The following HAVCR1 variants were observed in gnomAD, a reference collection of about 807,000 sequenced individuals.
HAVCR1 encodes the protein hepatitis A virus cellular receptor 1.
Under a neutral mutation model 32.0 loss-of-function variants are expected in HAVCR1, and 34 were observed. The ratio of observed to expected loss-of-function variants is 1.06; its 90% CI spans 0.81 to 1.42. HAVCR1 has a LOEUF of 1.42. HAVCR1 is among the 40% of genes most tolerant of loss of function. The pLI is 0.00. For missense variants in HAVCR1, 420 were observed against 442.3 expected, an observed-to-expected ratio of 0.95 and a Z score of 0.45; for synonymous variants, 178 against 170.3, an observed-to-expected ratio of 1.05 and a Z score of -0.35.
rs749064806 is a variant in HAVCR1, at chr5:157,037,375, A to C, written c.838-14T>G. On this transcript the variant is annotated splice_polypyrimidine_tract_variant and intron_variant, in intron 6 of 8. Transcript: ENST00000523175. ...TAGGAACAGTTGCTGAGGAAACAAC[A>C]ACAGATCAAAAAAGCATCTTGTTAG... 9.0e-7 allele frequency: 1 copy of C among 1,107,220 alleles called. No homozygotes were observed. The highest frequency in any genetic ancestry group is 1.4e-6 in the Non-Finnish European group (1 of 728,822). 68.6% of individuals were successfully genotyped at this position (1,107,220 alleles called of 1,614,324 possible).
At chr5:157,057,365 A>C (rs1756222695) in intron 2 of HAVCR1, among the ~76,000 whole-genome samples, 1 of 135,278 alleles carries the variant, frequency 7.4e-6, no homozygotes, top group African/African-American at 2.8e-5. Flanking sequence ...CCTCATGAAG[A>C]GAGAGAGAGA....
intron 7 of HAVCR1, among the ~76,000 whole-genome samples, chr5:157,034,646 C>A (rs1259105517): frequency 6.6e-6 from 1 of 151,958 alleles, no homozygotes; most frequent in Non-Finnish European, 1.5e-5. Context: ...TGGGGAGAAA[C>A]CTTGGACAAT....
At chr5:157,059,373 G>A (rs2113657582), upstream of HAVCR1, among the ~76,000 whole-genome samples, 1 of 152,286 alleles carries the variant, frequency 6.6e-6, no homozygotes, top group East Asian at 1.9e-4. Context: ...TTGTATGGCA[G>A]CGTTTAAAAA....
chr5:157,049,895 A>G (rs1481594030), intron 4 of HAVCR1, among the ~76,000 whole-genome samples: 2 of 152,232 alleles, frequency 1.3e-5, no homozygotes, highest in African/African-American at 2.4e-5. Context: ...ATTCTCCAGC[A>G]TAGGGCTACA....
chr5:157,053,842 CCTGGGCG>C (rs1442080967), intron 3 of HAVCR1, among the ~76,000 whole-genome samples: 1 of 151,024 alleles, frequency 6.6e-6, no homozygotes, highest in Non-Finnish European at 1.5e-5. Context: ...TGCACCCCAG[CCTGGGCG>C]ACAGAGAAAG....
At chr5:157,061,632 G>A (rs13179469), upstream of HAVCR1, among the ~76,000 whole-genome samples, 10,787 of 151,918 alleles carry the variant, frequency 0.071, 1,046 homozygotes, top group African/African-American at 0.22. Context: ...GCCTGAACCC[G>A]GGAGGCAGAA....
intron 5 of HAVCR1, among the ~76,000 whole-genome samples, chr5:157,048,824 C>T (rs1444146674): frequency 7.7e-6 from 1 of 130,132 alleles, no homozygotes; most frequent in African/African-American, 3.0e-5. Context: ...TGCGAGACTC[C>T]ATCTCAGAAA....
intron 4 of HAVCR1, 106 bp downstream of exon 4, chr5:157,052,255 G>GT: frequency 1.0e-6 from 1 of 980,754 alleles, no homozygotes; most frequent in East Asian, 2.4e-5. Flanking sequence ...TGAAACCCAG[G>GT]TAAGACCCCT....
chr5:157,056,498 G>C (rs968784461), intron 2 of HAVCR1, among the ~76,000 whole-genome samples: 2 of 151,122 alleles, frequency 1.3e-5, no homozygotes, highest in Non-Finnish European at 2.9e-5. Context: ...TCCCGCCTCA[G>C]CCTCCCCAGC....
intron 7 of HAVCR1, among the ~76,000 whole-genome samples, chr5:157,035,696 C>G (rs1024498705): frequency 1.3e-5 from 2 of 151,890 alleles, no homozygotes; most frequent in Non-Finnish European, 2.9e-5. Context: ...ACTTCCAGAT[C>G]GCAACACTAC....
upstream of HAVCR1, among the ~76,000 whole-genome samples, chr5:157,063,364 C>A (rs1338800047): frequency 6.8e-6 from 1 of 147,636 alleles, no homozygotes; most frequent in Non-Finnish European, 1.5e-5. Context: ...CAGCTCACTG[C>A]AAACTCTGCC....
At chr5:157,046,865 C>T (rs933357414) in intron 5 of HAVCR1, among the ~76,000 whole-genome samples, 1 of 152,114 alleles carries the variant, frequency 6.6e-6, no homozygotes, top group African/African-American at 2.4e-5. Flanking sequence ...TTCATGAAGG[C>T]GGGGCTCTCA....
At chr5:157,064,116 C>T (rs1756549434), upstream of HAVCR1, among the ~76,000 whole-genome samples, 1 of 152,126 alleles carries the variant, frequency 6.6e-6, no homozygotes, top group African/African-American at 2.4e-5. Flanking sequence ...AGAAGGACCA[C>T]TGTGGTTGCT....
At chr5:157,065,476 T>C in the HAVCR1 span, among the ~76,000 whole-genome samples, 7 of 152,208 alleles carry the variant, frequency 4.6e-5, no homozygotes, top group Non-Finnish European at 7.3e-5. Flanking sequence ...CCCAACACTT[T>C]GGGAGACCGG....
At chr5:157,063,505 G>A (rs915315116), upstream of HAVCR1, among the ~76,000 whole-genome samples, 3 of 151,836 alleles carry the variant, frequency 2.0e-5, no homozygotes, top group Non-Finnish European at 2.9e-5. Context: ...GGCTGGTCAC[G>A]AACTCCTGAC....
Position 157,029,761 on chromosome 5 carries a change from A to G in HAVCR1, c.1067T>C (p.Ile356Thr), listed in dbSNP as rs1754057006. The change falls in exon 9 of 9, where the codon ATT becomes ACT. Residue 356 changes from isoleucine to threonine, a missense_variant. By Grantham distance (89) the Ile-to-Thr change is moderately conservative. Transcript: ENST00000523175. ...KEVQAEDNIYIENSLYATD is the reference protein window; with the variant it reads ...KEVQAEDNIYTENSLYATD ...GTCCGTGGCATAAAGACTATTCTCA[A>G]TGTAGATATTGTCTTCTGCTTGGAC... 7 of 1,612,036 alleles carry G rather than the reference A, an allele frequency of 4.3e-6. No individual in the cohort carries two copies. Among genetic ancestry groups the G allele is most frequent in the South Asian group, 1.1e-5 (1 of 91,026 alleles).
intron 5 of HAVCR1, among the ~76,000 whole-genome samples, chr5:157,044,586 GGAAAGAAAGAAAGAAA>G (rs72157678): frequency 3.5e-5 from 2 of 56,400 alleles, no homozygotes; most frequent in South Asian, 9.4e-4. Context: ...AAAGAAAGAA[GGAAAGAAAGAAAGAAA>G]GAAAGAAAGA....
intron 7 of HAVCR1, 44 bp downstream of exon 7, chr5:157,037,203 C>G (rs1325756419): frequency 1.0e-6 from 1 of 967,830 alleles, no homozygotes; most frequent in Non-Finnish European, 1.7e-6. Context: ...GGCAATTTTG[C>G]TGTACATCCC....
intron 4 of HAVCR1, among the ~76,000 whole-genome samples, chr5:157,049,468 C>T (rs369628658): frequency 6.6e-6 from 1 of 152,208 alleles, no homozygotes; most frequent in African/African-American, 2.4e-5. Context: ...CAGGTTCCCT[C>T]TAAATAGACA....
Sources: allele counts gnomAD v4.1 joint callset (sites outside exome capture counted in the v4.1 genomes callset), GRCh38; gene constraint gnomAD v4.1.1; transcripts MANE v1.5; gene names NCBI Gene and HGNC (gene_info 2026-07-23, HGNC 2026-07-21).